Variants in MS4A2 observed in about 807,000 individuals in gnomAD.
The protein encoded by MS4A2 is high affinity immunoglobulin epsilon receptor subunit beta.
MS4A2 carries 26 observed loss-of-function variants against 27.9 expected under a neutral mutation model. The ratio of observed to expected loss-of-function variants is 0.93; its 90% confidence interval spans 0.68 to 1.29. The LOEUF (loss-of-function observed/expected upper bound fraction) is 1.29, where lower values mean the gene tolerates loss of function less well. MS4A2 is among the 50% of genes most tolerant of loss of function. The probability of loss-of-function intolerance (pLI) is 0.00; values close to 1 mark genes in which losing one functional copy is unlikely to be tolerated. For missense variants in MS4A2, 284 were observed against 284.6 expected (o/e 1.00, Z 0.01); for synonymous variants, 110 against 98.8 (o/e 1.11, Z -0.67).
At chr11:60,090,823 A>G (rs1019081116) in intron 3 of MS4A2, among the ~76,000 whole-genome samples, 11 of 152,194 alleles carry the variant, frequency 7.2e-5, no homozygotes, top group African/African-American at 2.7e-4. Context: ...ATAAAGTTAT[A>G]TGATAAATAC....
At chr11:60,088,899 T>G (rs1855703835) in intron 1 of MS4A2, 78 bp downstream of exon 1, 1 of 1,386,334 alleles carries the variant, frequency 7.2e-7, no homozygotes, top group Non-Finnish European at 1.0e-6. Flanking sequence ...GCTTAGGAGA[T>G]GAAACTTTAT....
Position 60,088,779 on chromosome 11 carries a change from G to A in MS4A2, c.14G>A (p.Ser5Asn). The A allele has an allele frequency of 6.2e-7, 1 of 1,612,148 alleles. No individual in the cohort carries two copies. Among genetic ancestry groups the A allele is most frequent in the Non-Finnish European group, 8.5e-7 (1 of 1,178,934 alleles). ...GTTAATGAAAAAATGGACACAGAAA[G>A]TAATAGGAGAGCAAATCTTGCTCTC... Reference protein sequence around the residue: MDTESNRRANLALPQ... With the variant: MDTENNRRANLALPQ... Residue 5 changes from serine (S) to asparagine (N), a missense_variant, in exon 1 of 7, where the codon AGT becomes AAT. Physicochemically the swap from Ser to Asn is conservative, Grantham distance 46 (BLOSUM62 1). Coordinates refer to ENST00000278888, the MANE Select transcript of MS4A2 (RefSeq NM_000139.5).
At chr11:60,092,260 T>C (rs1244402003) in intron 3 of MS4A2, among the ~76,000 whole-genome samples, 6 of 151,962 alleles carry the variant, frequency 3.9e-5, no homozygotes, top group African/African-American at 1.5e-4. Flanking sequence ...AATAAGAATC[T>C]GCATTTTAGC....
chr11:60,091,879 C>T (rs1855765612), intron 3 of MS4A2, among the ~76,000 whole-genome samples: 1 of 152,190 alleles, frequency 6.6e-6, no homozygotes, highest in Non-Finnish European at 1.5e-5. Flanking sequence ...CTCAACCCAT[C>T]AAACTCACAA....
intron 3 of MS4A2, among the ~76,000 whole-genome samples, chr11:60,092,158 T>C (rs1855772577): frequency 6.6e-6 from 1 of 152,178 alleles, no homozygotes; most frequent in Non-Finnish European, 1.5e-5. Flanking sequence ...TGGACGTTGC[T>C]ACTCCAAGAG....
intron 5 of MS4A2, 27 bp downstream of exon 5, chr11:60,093,585 A>T: frequency 1.2e-6 from 2 of 1,613,870 alleles, no homozygotes; most frequent in Non-Finnish European, 1.7e-6. Flanking sequence ...GTGTGGGAAG[A>T]CTAAGATTCT....
chr11:60,093,796 C>CTGTGTTTG (rs2134698756), intron 5 of MS4A2, 168 bp from the exon 6 acceptor site: 1 of 727,600 alleles, frequency 1.4e-6, no homozygotes, highest in Non-Finnish European at 2.3e-6. Context: ...TTTTCTGTGC[C>CTGTGTTTG]TGTGTTTGTG....
chr11:60,093,877 T>G (rs920397463), intron 5 of MS4A2, 87 bp from the exon 6 acceptor site: 2 of 965,740 alleles, frequency 2.1e-6, no homozygotes, highest in Non-Finnish European at 3.3e-6. Context: ...GGTAGGGAGA[T>G]GAAAACAGGA....
intron 3 of MS4A2, among the ~76,000 whole-genome samples, chr11:60,092,137 C>T (rs746649856): frequency 1.3e-5 from 2 of 152,010 alleles, no homozygotes; most frequent in East Asian, 3.9e-4. Flanking sequence ...CGATTCATGC[C>T]CTGATGTTGC....
intron 4 of MS4A2, 38 bp from the exon 5 acceptor site, chr11:60,093,362 G>A: frequency 1.9e-6 from 3 of 1,613,400 alleles, no homozygotes; most frequent in Non-Finnish European, 1.7e-6. Flanking sequence ...GTGCCAGCAA[G>A]TGCAGGCCCA....
Position 60,096,684 on chromosome 11 carries a change from C to G in MS4A2, c.*1028C>G, listed in dbSNP as rs1307894751. ...AGATCACGAAGTCAGTAGTTTGAGA[C>G]CAGCCTGGCCAACATAGTGAAACCC... On this transcript the variant is annotated 3_prime_UTR_variant, in exon 7 of 7. Coordinates refer to ENST00000278888, the MANE Select transcript of MS4A2 (RefSeq NM_000139.5). 6.6e-6 allele frequency: 1 copy of G among 151,860 alleles called. No homozygotes were observed. Among genetic ancestry groups the G allele is most frequent in the African/African-American group, 2.4e-5 (1 of 41,314 alleles). 9.4% of individuals were successfully genotyped at this position (151,860 alleles called of 1,614,324 possible).
At chr11:60,089,440 T>G (rs1855715615) in intron 1 of MS4A2, among the ~76,000 whole-genome samples, 1 of 152,224 alleles carries the variant, frequency 6.6e-6, no homozygotes, top group African/African-American at 2.4e-5. Context: ...AAAGTAACAC[T>G]GGATTAAGAA....
Position 60,088,694 on chromosome 11 carries a change from C to T in MS4A2, c.-72C>T. 3 of 1,565,106 alleles carry T rather than the reference C, an allele frequency of 1.9e-6. No individual in the cohort carries two copies. The highest frequency in any genetic ancestry group is 1.8e-5 in the Admixed American group (1 of 54,574). On this transcript the variant is annotated 5_prime_UTR_variant, in exon 1 of 7. The change creates a premature stop within an existing upstream ORF in the 5' untranslated region. Coordinates refer to ENST00000278888, the MANE Select transcript of MS4A2 (RefSeq NM_000139.5). ...ATTTCAACTGCCTATTCAGAGCATG[C>T]AGTAAGAGGAAATCCACCAAGTCTC...
rs1456410737 is a variant in MS4A2 at position 60,096,176 on chromosome 11, C to T, written c.*520C>T. The T allele has an allele frequency of 6.5e-6, 1 of 154,800 alleles. No individual in the cohort carries two copies. The highest frequency in any genetic ancestry group is 1.4e-5 in the Non-Finnish European group (1 of 69,766). The allele number at this position is 154,800 out of a possible 1,614,324, so 9.6% of individuals were successfully genotyped here. On this transcript the variant is annotated 3_prime_UTR_variant, in exon 7 of 7. Coordinates refer to ENST00000278888, the MANE Select transcript of MS4A2 (RefSeq NM_000139.5). ...AATATTTTACCACCAGTCAATAATACATTTTTGCCAAGACATGAAGTTTTA... is the reference window on the plus strand; with the variant it reads ...AATATTTTACCACCAGTCAATAATATATTTTTGCCAAGACATGAAGTTTTA...
intron 3 of MS4A2, among the ~76,000 whole-genome samples, chr11:60,092,101 C>T (rs563618529): frequency 1.3e-4 from 20 of 152,074 alleles, no homozygotes; most frequent in Non-Finnish European, 2.6e-4. Flanking sequence ...TAGACGATTG[C>T]AATAGAATGA....
intron 6 of MS4A2, among the ~76,000 whole-genome samples, chr11:60,094,284 G>A (rs769552142): frequency 2.6e-5 from 4 of 152,164 alleles, no homozygotes; most frequent in Non-Finnish European, 5.9e-5. Flanking sequence ...TGGGATAATA[G>A]GATCTGTATA....
Position 60,088,678 on chromosome 11 carries a change from G to A in MS4A2, c.-88G>A. ...TGTCATGAGGTAACCCATTTCAACT[G>A]CCTATTCAGAGCATGCAGTAAGAGG... On this transcript the variant is annotated 5_prime_UTR_variant, in exon 1 of 7. Transcript: ENST00000278888. 6 of 1,555,448 alleles carry A rather than the reference G, an allele frequency of 3.9e-6. No homozygotes were observed. The highest frequency in any genetic ancestry group is 5.2e-6 in the Non-Finnish European group (6 of 1,148,332).
rs1271546125 is a variant in MS4A2, at chr11:60,093,427, GCCA to G, written c.407_409del (p.Ala136_Ser137delinsGly). Reference sequence around the variant, plus strand: ...GAGAGGAAGCCTGGGAGCAAACACTGCCAGCAGCATAGCTGGGGGAACGGGAAT... The same window carrying G: ...GAGAGGAAGCCTGGGAGCAAACACTGGCAGCATAGCTGGGGGAACGGGAAT... On this transcript the variant is annotated inframe_deletion, in exon 5 of 7. Coordinates refer to ENST00000278888, the MANE Select transcript of MS4A2 (RefSeq NM_000139.5). 5 of 1,614,188 alleles carry G rather than the reference GCCA, an allele frequency of 3.1e-6. No individual in the cohort carries two copies. In the African/African-American group the frequency reaches 6.7e-5, roughly 22 times the overall value.
intron 6 of MS4A2, among the ~76,000 whole-genome samples, chr11:60,094,894 G>A (rs1855839879): frequency 6.6e-6 from 1 of 152,176 alleles, no homozygotes; most frequent in Non-Finnish European, 1.5e-5. Flanking sequence ...AGGTACCTGA[G>A]GTTCCAGATA....
Sources: allele counts gnomAD v4.1 joint callset (sites outside exome capture counted in the v4.1 genomes callset), GRCh38; gene constraint gnomAD v4.1.1; transcripts MANE v1.5; gene names NCBI Gene and HGNC (gene_info 2026-07-23, HGNC 2026-07-21).